MAST4: variants seen among roughly 807,000 people sequenced by gnomAD.
MAST4 encodes microtubule-associated serine/threonine-protein kinase 4.
Under a neutral mutation model 162.7 loss-of-function variants are expected in MAST4, and 89 were observed. That is an observed-to-expected ratio of 0.55 (90% confidence interval 0.46 to 0.65). The LOEUF is 0.65. MAST4 is among the 30% of genes least tolerant of loss of function. MAST4 has a pLI of 0.00. For missense variants in MAST4, 3,153 were observed against 3,374.0 expected (o/e 0.93, Z 1.62); for synonymous variants, 1,479 against 1,361.1 (o/e 1.09, Z -1.91).
chr5:66,751,878 T>C (rs1261948832), intron 1 of MAST4, among the ~76,000 whole-genome samples: 3 of 149,106 alleles, frequency 2.0e-5, no homozygotes, highest in Non-Finnish European at 4.4e-5. Context: ...GAAAAAATGT[T>C]AAGGGCAGCC....
intron 4 of MAST4, among the ~76,000 whole-genome samples, chr5:66,978,744 A>T (rs1748438075): frequency 6.6e-6 from 1 of 152,200 alleles, no homozygotes; most frequent in Non-Finnish European, 1.5e-5. Flanking sequence ...GAGCTAATAT[A>T]AAGTCAGCAT....
intron 18 of MAST4, among the ~76,000 whole-genome samples, chr5:67,135,027 G>T (rs1410532839): frequency 1.3e-5 from 2 of 152,174 alleles, no homozygotes; most frequent in Non-Finnish European, 2.9e-5. Flanking sequence ...TGATAGGAAA[G>T]TTACACCAGG....
intron 3 of MAST4, among the ~76,000 whole-genome samples, chr5:66,829,815 G>T (rs1373113487): frequency 2.0e-5 from 3 of 150,888 alleles, no homozygotes; most frequent in Non-Finnish European, 4.4e-5. Context: ...TTTGTTCTAA[G>T]TATCAATTAT....
intron 1 of MAST4, among the ~76,000 whole-genome samples, chr5:66,690,510 G>A (rs1748971824): frequency 1.3e-5 from 2 of 152,166 alleles, no homozygotes; most frequent in Admixed American, 1.3e-4. Flanking sequence ...CTGGCTAGCA[G>A]TTTTTGGAAG....
chr5:67,127,382 G>T (rs1768378105), intron 14 of MAST4, among the ~76,000 whole-genome samples: 1 of 152,126 alleles, frequency 6.6e-6, no homozygotes, highest in African/African-American at 2.4e-5. Flanking sequence ...GTCATAAATA[G>T]CTCTTATTAT....
chr5:66,635,180 G>A (rs1410724685), intron 1 of MAST4, among the ~76,000 whole-genome samples: 3 of 152,172 alleles, frequency 2.0e-5, no homozygotes, highest in Admixed American at 6.6e-5. Flanking sequence ...GTCCACAGGG[G>A]ACTCAGGCTC....
intron 23 of MAST4, 98 bp from the exon 24 acceptor site, chr5:67,149,291 T>C: frequency 9.5e-7 from 1 of 1,056,224 alleles, no homozygotes; most frequent in Non-Finnish European, 1.4e-6. Flanking sequence ...GAGTATGTTC[T>C]CTGGCGTTTA....
intron 5 of MAST4, among the ~76,000 whole-genome samples, chr5:67,079,697 G>A (rs1762380742): frequency 6.6e-6 from 1 of 152,080 alleles, no homozygotes; most frequent in African/African-American, 2.4e-5. Context: ...GTTCATTTTT[G>A]GGACTCTGTC....
chr5:66,801,645 G>A (rs1755927775), intron 3 of MAST4, among the ~76,000 whole-genome samples: 2 of 152,164 alleles, frequency 1.3e-5, no homozygotes, highest in African/African-American at 4.8e-5. Context: ...TAAATATTCA[G>A]TGAGGCTGCC....
In MAST4 at chr5:67,131,792, A is replaced by G. The variant is rs759346027; in HGVS notation, c.1955-21A>G. 24 of 1,609,604 alleles carry G rather than the reference A, an allele frequency of 1.5e-5. No individual in the cohort carries two copies. In the East Asian group the frequency reaches 4.5e-4, roughly 30 times the overall value. Reference sequence around the variant, plus strand: ...TTAAGCCTTCATCCTATAGCTACTAACTCTTTTTCCTGTGTTACAGGGGGA... The same window carrying G: ...TTAAGCCTTCATCCTATAGCTACTAGCTCTTTTTCCTGTGTTACAGGGGGA... On this transcript the variant is annotated intron_variant, in intron 15 of 28. Coordinates refer to ENST00000403625, the MANE Select transcript of MAST4 (RefSeq NM_001164664.2).
intron 3 of MAST4, among the ~76,000 whole-genome samples, chr5:66,828,229 G>C (rs190301336): frequency 6.6e-6 from 1 of 152,244 alleles, no homozygotes; most frequent in East Asian, 1.9e-4. Context: ...AGGTGTAAAG[G>C]GTTTGGTGGC....
chr5:66,841,634 A>C (rs1006981479), intron 3 of MAST4, among the ~76,000 whole-genome samples: 1 of 152,110 alleles, frequency 6.6e-6, no homozygotes, highest in African/African-American at 2.4e-5. Context: ...TAATCCCATC[A>C]TGAGGGCCCC....
chr5:66,750,642 C>T (rs1251219619), intron 1 of MAST4, among the ~76,000 whole-genome samples: 1 of 152,222 alleles, frequency 6.6e-6, no homozygotes, highest in African/African-American at 2.4e-5. Context: ...CTCTGAGGGT[C>T]CTACGCCCAC....
intron 4 of MAST4, among the ~76,000 whole-genome samples, chr5:66,966,907 G>A (rs764900503): frequency 2.6e-5 from 4 of 152,198 alleles, no homozygotes; most frequent in Non-Finnish European, 5.9e-5. Flanking sequence ...GGAGGAAAAT[G>A]TTGTAATGAT....
chr5:66,699,501 G>T (rs1354235564), intron 1 of MAST4, among the ~76,000 whole-genome samples: 1 of 152,074 alleles, frequency 6.6e-6, no homozygotes, highest in East Asian at 1.9e-4. Context: ...TTTGTCTCAT[G>T]GACCAACCCA....
At chr5:66,995,913 A>AC (rs1750583700) in intron 4 of MAST4, among the ~76,000 whole-genome samples, 4 of 151,620 alleles carry the variant, frequency 2.6e-5, no homozygotes, top group African/African-American at 9.7e-5. Flanking sequence ...ACACACACAC[A>AC]AACTTGTAAA....
At chr5:66,624,836 A>C (rs1346749722) in intron 1 of MAST4, among the ~76,000 whole-genome samples, 1 of 152,234 alleles carries the variant, frequency 6.6e-6, no homozygotes, top group Non-Finnish European at 1.5e-5. Context: ...CGCCTGTCTC[A>C]TACTGGTCAC....
chr5:67,164,033 T>C lies in MAST4; in HGVS notation c.4854T>C (p.Gly1618=). 6.3e-7 allele frequency: 1 copy of C among 1,583,642 alleles called. No homozygotes were observed. The highest frequency in any genetic ancestry group is 1.7e-4 in the Middle Eastern group (1 of 5,986). The part of the protein sequence containing the change: ...HKQASVRASE[G]AMSDGRVPAE... The stretch of plus-strand genomic sequence containing the variant: ...AGGCCAGCGTGCGCGCCAGCGAGGG[T>C]GCGATGTCGGATGGCCGGGTGCCTG... The change falls in exon 29 of 29, where the codon GGT becomes GGC. Residue 1618 remains glycine, a synonymous_variant. Transcript: ENST00000403625. The surrounding 1 kb of genome is among the most constrained non-coding windows in gnomAD (Gnocchi z 5.3).
intron 3 of MAST4, among the ~76,000 whole-genome samples, chr5:66,892,526 T>G (rs2149950766): frequency 6.6e-6 from 1 of 152,334 alleles, no homozygotes; most frequent in Non-Finnish European, 1.5e-5. Context: ...GTAGAAGACT[T>G]TTGCCTTCTG....
Sources: allele counts gnomAD v4.1 joint callset (sites outside exome capture counted in the v4.1 genomes callset), GRCh38; gene constraint gnomAD v4.1.1; non-coding constraint Gnocchi (gnomAD v3.1); transcripts MANE v1.5; gene names NCBI Gene and HGNC (gene_info 2026-07-23, HGNC 2026-07-21).